The following YTHDF2 variants were observed in gnomAD, a reference collection of about 807,000 sequenced individuals.
YTHDF2 encodes YTH N6-methyladenosine RNA binding protein F2.
Under a neutral mutation model 50.4 loss-of-function variants are expected in YTHDF2, and 2 were observed. The observed-to-expected ratio is 0.04, with a 90% CI of 0.02 to 0.12. The LOEUF is 0.12. Ranked by LOEUF, YTHDF2 falls within the 10% of genes least tolerant of loss-of-function variation. The pLI is 1.00. For missense variants in YTHDF2, 483 were observed against 722.6 expected (o/e 0.67, Z 3.80); for synonymous variants, 217 against 255.6 (o/e 0.85, Z 1.44).
Position 28,741,286 on chromosome 1 carries a change from C to T in YTHDF2, c.133-1117C>T, listed in dbSNP as rs190193744. On this transcript the variant is annotated intron_variant, in intron 3 of 4. Coordinates refer to ENST00000373812, the MANE Select transcript of YTHDF2 (RefSeq NM_016258.3). ...ATGCTGGAATTACAGGCGTGAGCCA[C>T]TGTGCCCGGCCTGTTTTTATTTTAT... is the stretch of plus-strand genomic sequence containing the variant. Among the ~76,000 whole-genome samples the T allele has an allele frequency of 4.3e-3, 650 of 152,264 alleles. 7 individuals are homozygous for T. Among genetic ancestry groups the T allele is most frequent in the South Asian group, 0.025 (119 of 4,822 alleles).
intron 4 of YTHDF2, among the ~76,000 whole-genome samples, chr1:28,756,440 TAACA>T (rs1264305532): frequency 6.6e-6 from 1 of 152,228 alleles, no homozygotes; most frequent in Non-Finnish European, 1.5e-5. Flanking sequence ...ATTACTCCTC[TAACA>T]GTTTTTAGCA....
intron 4 of YTHDF2, among the ~76,000 whole-genome samples, chr1:28,753,356 TCCAAAAAAAAAAAAAAAAAAAAAAAA>T (rs1309965157): frequency 4.7e-5 from 2 of 42,532 alleles, no homozygotes; most frequent in African/African-American, 8.8e-5. Context: ...ATCCTGCCTC[TCCAAAAAAAAAAAAAAAAAAAAAAAA>T]AAAAAAAAAA....
At chr1:28,763,467 T>C (rs1238396022) in intron 4 of YTHDF2, among the ~76,000 whole-genome samples, 1 of 151,890 alleles carries the variant, frequency 6.6e-6, no homozygotes, top group African/African-American at 2.4e-5. Context: ...AATTTTTATT[T>C]TTTATTGAGA....
intron 4 of YTHDF2, among the ~76,000 whole-genome samples, chr1:28,756,001 A>G (rs969651278): frequency 1.3e-5 from 2 of 152,214 alleles, no homozygotes; most frequent in African/African-American, 4.8e-5. Context: ...ATGACTGCAG[A>G]TGCCAGTGAT....
chr1:28,749,820 T>TGGAGAG (rs1169317378), intron 4 of YTHDF2, among the ~76,000 whole-genome samples: 1 of 151,862 alleles, frequency 6.6e-6, no homozygotes, highest in Non-Finnish European at 1.5e-5. Flanking sequence ...GCAGAGCAAA[T>TGGAGAG]GGAGAGTGAG....
intron 4 of YTHDF2, among the ~76,000 whole-genome samples, chr1:28,767,925 G>A (rs1239791194): frequency 6.7e-6 from 1 of 150,230 alleles, no homozygotes; most frequent in South Asian, 2.1e-4. Flanking sequence ...TTCTGAGGCC[G>A]GGCGCGGTGG....
At chr1:28,736,939 T>G, upstream of YTHDF2, 1 of 680,350 alleles carries the variant, frequency 1.5e-6, no homozygotes. Flanking sequence ...GCTCTTGGGC[T>G]AGAGCGTCGC....
Position 28,736,998 on chromosome 1 carries a change from G to A in YTHDF2, c.-123G>A. On this transcript the variant is annotated 5_prime_UTR_variant, in exon 1 of 5. Transcript: ENST00000373812. ...CGCGCGCTGTGTCTCCGCTGCGTCCGCCGAGGCCCCCGAGTGTCAGGGACA... is the reference window on the plus strand; with the variant it reads ...CGCGCGCTGTGTCTCCGCTGCGTCCACCGAGGCCCCCGAGTGTCAGGGACA... 7.8e-7 allele frequency: 1 copy of A among 1,281,056 alleles called. No homozygotes were observed. 79.4% of individuals were successfully genotyped at this position (1,281,056 alleles called of 1,614,324 possible).
chr1:28,737,000 C>T lies in YTHDF2; in HGVS notation c.-121C>T. ...CGCGCTGTGTCTCCGCTGCGTCCGCCGAGGCCCCCGAGTGTCAGGGACAAA... is the reference window on the plus strand; with the variant it reads ...CGCGCTGTGTCTCCGCTGCGTCCGCTGAGGCCCCCGAGTGTCAGGGACAAA... On this transcript the variant is annotated 5_prime_UTR_variant, in exon 1 of 5. Transcript: ENST00000373812. The T allele has an allele frequency of 1.6e-6, 2 of 1,283,688 alleles. No individual in the cohort carries two copies. The highest frequency in any genetic ancestry group is 2.1e-6 in the Non-Finnish European group (2 of 931,512). The allele number at this position is 1,283,688 out of a possible 1,614,324, so 79.5% of individuals were successfully genotyped here. A position where few individuals can be genotyped will look rare whatever the true frequency, so the allele number is the denominator to read the frequency against.
intron 4 of YTHDF2, among the ~76,000 whole-genome samples, chr1:28,758,488 C>G (rs1246026813): frequency 6.6e-6 from 1 of 152,156 alleles, no homozygotes; most frequent in Non-Finnish European, 1.5e-5. Flanking sequence ...TGTAAGCACT[C>G]AGTTTTAATT....
chr1:28,754,800 G>T (rs1214616377), intron 4 of YTHDF2, among the ~76,000 whole-genome samples: 2 of 151,592 alleles, frequency 1.3e-5, no homozygotes, highest in African/African-American at 4.8e-5. Context: ...GCAAAACTTC[G>T]TCTCAAACAA....
chr1:28,759,274 A>C (rs562031238), intron 4 of YTHDF2, among the ~76,000 whole-genome samples: 56 of 152,308 alleles, frequency 3.7e-4, no homozygotes, highest in African/African-American at 1.3e-3. Context: ...AAAGACCTGG[A>C]GCTCTGGAGG....
chr1:28,762,436 C>CT (rs917658692), intron 4 of YTHDF2, among the ~76,000 whole-genome samples: 2 of 152,114 alleles, frequency 1.3e-5, no homozygotes, highest in African/African-American at 4.8e-5. Context: ...TGACTCCCGT[C>CT]TAAGCATTTT....
At chr1:28,764,814 G>C (rs1030897162) in intron 4 of YTHDF2, among the ~76,000 whole-genome samples, 1 of 152,012 alleles carries the variant, frequency 6.6e-6, no homozygotes, top group African/African-American at 2.4e-5. Flanking sequence ...AGAGTGCTAG[G>C]ATTACTCGGG....
chr1:28,758,693 T>C lies in YTHDF2; in HGVS notation c.1717-10236T>C, dbSNP rs182273345. 1.5e-3 allele frequency among the ~76,000 whole-genome samples: 231 copies of C among 152,328 alleles called. 4 individuals are homozygous for C. The highest frequency in any genetic ancestry group is 0.015 in the Admixed American group (227 of 15,296). On this transcript the variant is annotated intron_variant, in intron 4 of 4. Transcript: ENST00000373812. The stretch of plus-strand genomic sequence containing the variant: ...TTTAGTCTACCCCACTGTCATGTTA[T>C]ACATGAACTGCAGGGTTACCTCACT...
At position 28,742,882 on chromosome 1, in the gene YTHDF2, A is replaced by G; in HGVS notation, c.612A>G (p.Pro204=). 6.2e-7 allele frequency: 1 copy of G among 1,614,146 alleles called. No homozygotes were observed. The highest frequency in any genetic ancestry group is 8.5e-7 in the Non-Finnish European group (1 of 1,180,022). The part of the protein sequence containing the change: ...LGSTEVASNV[P]KVVGSAVGSG... Reference sequence around the variant, plus strand: ...GCACAGAAGTTGCAAGCAATGTTCCAAAAGTTGTAGGTTCTGCTGTTGGTA... The same window carrying G: ...GCACAGAAGTTGCAAGCAATGTTCCGAAAGTTGTAGGTTCTGCTGTTGGTA... The change falls in exon 4 of 5, where the codon CCA becomes CCG. Residue 204 remains proline, a synonymous_variant. Transcript: ENST00000373812.
At chr1:28,737,343 G>C (rs893818401) in intron 1 of YTHDF2, 196 bp downstream of exon 1, 1 of 720,024 alleles carries the variant, frequency 1.4e-6, no homozygotes, top group African/African-American at 1.9e-5. Context: ...TCGGGCCTCG[G>C]AGCCCACGGG....
intron 3 of YTHDF2, among the ~76,000 whole-genome samples, chr1:28,738,793 C>T (rs1179634420): frequency 6.6e-6 from 1 of 152,102 alleles, no homozygotes; most frequent in Non-Finnish European, 1.5e-5. Context: ...TCAGGAAATC[C>T]CATGTTCTGA....
At chr1:28,758,669 T>C (rs1202220993) in intron 4 of YTHDF2, among the ~76,000 whole-genome samples, 1 of 152,212 alleles carries the variant, frequency 6.6e-6, no homozygotes, top group Non-Finnish European at 1.5e-5. Flanking sequence ...TAGGACCGTT[T>C]TAGTCTACCC....
Sources: allele counts gnomAD v4.1 joint callset (sites outside exome capture counted in the v4.1 genomes callset), GRCh38; gene constraint gnomAD v4.1.1; transcripts MANE v1.5; gene names NCBI Gene and HGNC (gene_info 2026-07-23, HGNC 2026-07-21).